NEBL: variants seen among roughly 807,000 people sequenced by gnomAD.
NEBL encodes the protein nebulette.
Under a neutral mutation model 140.2 loss-of-function variants are expected in NEBL, and 122 were observed. That is an observed-to-expected ratio of 0.87 (90% confidence interval 0.75 to 1.01). The LOEUF (loss-of-function observed/expected upper bound fraction) is 1.01, where lower values mean the gene tolerates loss of function less well. NEBL is among the 50% of genes least tolerant of loss of function. The pLI is 0.00. For missense variants in NEBL, 1,365 were observed against 1,231.3 expected (o/e 1.11, Z -1.62); for synonymous variants, 436 against 398.9 (o/e 1.09, Z -1.11).
At chr10:21,220,233 T>C (rs1267856957) in intron 3 of NEBL, among the ~76,000 whole-genome samples, 1 of 152,208 alleles carries the variant, frequency 6.6e-6, no homozygotes, top group Non-Finnish European at 1.5e-5. Context: ...ATGTTGATTT[T>C]GTATCCTGCA....
At chr10:20,952,686 C>T (rs1291655205) in intron 4 of NEBL, among the ~76,000 whole-genome samples, 1 of 151,730 alleles carries the variant, frequency 6.6e-6, no homozygotes, top group Non-Finnish European at 1.5e-5. Context: ...GGGCGGATCA[C>T]TTGAGGACAG....
At chr10:21,071,235 A>T (rs1268175444) in intron 2 of NEBL, among the ~76,000 whole-genome samples, 2 of 149,700 alleles carry the variant, frequency 1.3e-5, no homozygotes, top group African/African-American at 4.9e-5. Flanking sequence ...TATTATTATT[A>T]TTTTTAAAAA....
intron 3 of NEBL, among the ~76,000 whole-genome samples, chr10:20,992,583 TC>T (rs762868949): frequency 2.6e-5 from 4 of 151,886 alleles, no homozygotes; most frequent in Non-Finnish European, 4.4e-5. Flanking sequence ...TTTAATAGGG[TC>T]CTTGCTGACG....
intron 3 of NEBL, among the ~76,000 whole-genome samples, chr10:21,011,834 C>A (rs1001117912): frequency 1.3e-5 from 2 of 152,250 alleles, no homozygotes; most frequent in Admixed American, 1.3e-4. Context: ...CCCAGGGCCA[C>A]ACTGTTCCTG....
intron 16 of NEBL, 30 bp downstream of exon 16, chr10:20,831,166 C>A: frequency 6.9e-7 from 1 of 1,450,208 alleles, no homozygotes; most frequent in Non-Finnish European, 9.7e-7. Context: ...TTGGAATACA[C>A]GATTCTGAGC....
At chr10:21,254,381 C>G (rs1184355572) in intron 1 of NEBL, among the ~76,000 whole-genome samples, 3 of 152,144 alleles carry the variant, frequency 2.0e-5, no homozygotes, top group Admixed American at 6.6e-5. Flanking sequence ...CTCAGCCTCA[C>G]AAATTTCTGG....
intron 3 of NEBL, among the ~76,000 whole-genome samples, chr10:20,973,097 A>G (rs939053427): frequency 1.3e-5 from 2 of 152,192 alleles, no homozygotes. Context: ...TGTCAGTTGT[A>G]AGAAATGCTG....
chr10:21,104,578 A>G (rs1052164088), intron 2 of NEBL, among the ~76,000 whole-genome samples: 1 of 152,218 alleles, frequency 6.6e-6, no homozygotes, highest in African/African-American at 2.4e-5. Context: ...ATTGGCTTAT[A>G]TACTGCATTC....
intron 2 of NEBL, among the ~76,000 whole-genome samples, chr10:21,101,541 T>A (rs909020458): frequency 2.0e-5 from 3 of 152,204 alleles, no homozygotes; most frequent in African/African-American, 7.2e-5. Flanking sequence ...AAAACAAGCC[T>A]GGGTCCCTAA....
intron 2 of NEBL, among the ~76,000 whole-genome samples, chr10:21,165,027 C>T (rs549343010): frequency 1.3e-5 from 2 of 152,294 alleles, no homozygotes; most frequent in Admixed American, 6.5e-5. Flanking sequence ...GACCTTTTCT[C>T]TTGTCTTTAA....
intron 3 of NEBL, among the ~76,000 whole-genome samples, chr10:21,005,964 C>T (rs1476381397): frequency 6.6e-6 from 1 of 151,774 alleles, no homozygotes; most frequent in Non-Finnish European, 1.5e-5. Flanking sequence ...TACATATATT[C>T]CTAATCAGAG....
At chr10:20,937,225 C>A (rs1055795194) in intron 4 of NEBL, among the ~76,000 whole-genome samples, 1 of 152,230 alleles carries the variant, frequency 6.6e-6, no homozygotes, top group East Asian at 1.9e-4. Context: ...GCCAATCACC[C>A]CTTGGTGTAC....
At chr10:20,881,453 C>T (rs1397800651) in intron 4 of NEBL, among the ~76,000 whole-genome samples, 2 of 152,068 alleles carry the variant, frequency 1.3e-5, no homozygotes, top group Non-Finnish European at 2.9e-5. Context: ...TCCATTACCA[C>T]CATGTTGAAT....
chr10:21,080,786 A>G (rs550404617), intron 2 of NEBL, among the ~76,000 whole-genome samples: 105 of 152,276 alleles, frequency 6.9e-4, no homozygotes, highest in African/African-American at 2.4e-3. Context: ...AACAGTGCTA[A>G]TTCTGGCTTA....
intron 3 of NEBL, among the ~76,000 whole-genome samples, chr10:21,010,879 A>G (rs1838313012): frequency 6.6e-6 from 1 of 152,210 alleles, no homozygotes; most frequent in African/African-American, 2.4e-5. Context: ...ACATCTTCCA[A>G]TGTGAAACTG....
chr10:21,050,605 G>C (rs75810674), intron 2 of NEBL, among the ~76,000 whole-genome samples: 1,642 of 152,280 alleles, frequency 0.011, 36 homozygotes, highest in African/African-American at 0.038. Flanking sequence ...AGTGAGGAAC[G>C]GGTGCAGCGT....
intron 22 of NEBL, 83 bp downstream of exon 22, chr10:20,815,542 A>G: frequency 8.9e-7 from 1 of 1,124,624 alleles, no homozygotes; most frequent in Non-Finnish European, 1.3e-6. Context: ...AATAAGTTTT[A>G]TTTTCACAAG....
intron 1 of NEBL, among the ~76,000 whole-genome samples, chr10:21,274,127 C>T (rs12247067): frequency 0.11 from 16,930 of 152,146 alleles, 1,064 homozygotes; most frequent in South Asian, 0.19. Flanking sequence ...AGCAAGGTGC[C>T]GGTTTAGAGA....
intron 3 of NEBL, among the ~76,000 whole-genome samples, chr10:21,016,455 A>C (rs1414391514): frequency 6.6e-6 from 1 of 152,252 alleles, no homozygotes; most frequent in Non-Finnish European, 1.5e-5. Flanking sequence ...GGGGAAATAA[A>C]AAGAAAAGAG....
Sources: gnomAD v4.1 joint callset for allele counts (sites outside exome capture counted in the v4.1 genomes callset) on GRCh38, gnomAD v4.1.1 for gene constraint, MANE v1.5 for transcripts, NCBI Gene and HGNC (gene_info 2026-07-23, HGNC 2026-07-21) for gene names.